RGS6: variants seen among roughly 807,000 people sequenced by gnomAD.
RGS6 encodes regulator of G-protein signaling 6.
RGS6 carries 30 observed loss-of-function variants against 78.5 expected under a neutral mutation model. The ratio of observed to expected loss-of-function variants is 0.38; its 90% confidence interval spans 0.29 to 0.52. RGS6 has a LOEUF of 0.52. Ranked by LOEUF, RGS6 falls within the 20% of genes least tolerant of loss-of-function variation. The pLI is 0.85. For missense variants in RGS6, 495 were observed against 609.7 expected (o/e 0.81, Z 1.98); for synonymous variants, 206 against 206.0 (o/e 1.00, Z 0.00).
At chr14:71,926,860 A>G in the RGS6 span, among the ~76,000 whole-genome samples, 11,646 of 152,218 alleles carry the variant, frequency 0.077, 552 homozygotes, top group East Asian at 0.2. Flanking sequence ...TTGACTCTAT[A>G]AAGGATCCTT....
chr14:72,558,673 C>T (rs530061826), intron 17 of RGS6, among the ~76,000 whole-genome samples: 2 of 152,178 alleles, frequency 1.3e-5, no homozygotes, highest in South Asian at 2.1e-4. Context: ...TTAATCAGAG[C>T]GGAGGGTGGG....
chr14:72,302,182 TAAC>T (rs2066214917), intron 2 of RGS6, among the ~76,000 whole-genome samples: 1 of 152,218 alleles, frequency 6.6e-6, no homozygotes. Flanking sequence ...TAGTCAATTA[TAAC>T]AATAGCTGCT....
chr14:72,560,797 C>CGTGTGTGTGTGTGTGTGTGTGT (rs57504072), intron 17 of RGS6, among the ~76,000 whole-genome samples: 2 of 141,224 alleles, frequency 1.4e-5, no homozygotes, highest in Non-Finnish European at 3.1e-5. Flanking sequence ...ATTTTGTGGA[C>CGTGTGTGTGTGTGTGTGTGTGT]GTGTGTGTGT....
chr14:72,069,750 G>A (rs563106959), intron 2 of RGS6, among the ~76,000 whole-genome samples: 6 of 152,098 alleles, frequency 3.9e-5, no homozygotes, highest in South Asian at 2.1e-4. Flanking sequence ...ATGTTGGCCA[G>A]GCTGGTCTTG....
intron 2 of RGS6, among the ~76,000 whole-genome samples, chr14:72,274,152 A>G (rs570403139): frequency 1.1e-4 from 16 of 152,288 alleles, no homozygotes; most frequent in East Asian, 7.7e-4. Context: ...TAGATACTCT[A>G]TTTCCTCCAG....
chr14:72,210,864 C>A (rs1252787494), intron 2 of RGS6, among the ~76,000 whole-genome samples: 2 of 151,930 alleles, frequency 1.3e-5, no homozygotes, highest in East Asian at 1.9e-4. Context: ...AGACAGCTTC[C>A]AAATGGTACT....
At chr14:72,541,786 A>C (rs919105956) in intron 17 of RGS6, among the ~76,000 whole-genome samples, 1 of 152,226 alleles carries the variant, frequency 6.6e-6, no homozygotes, top group Non-Finnish European at 1.5e-5. Flanking sequence ...CGGGTGTGAG[A>C]GGGGAAGCCT....
At chr14:72,341,669 G>A (rs2077026128) in intron 2 of RGS6, among the ~76,000 whole-genome samples, 1 of 152,192 alleles carries the variant, frequency 6.6e-6, no homozygotes, top group African/African-American at 2.4e-5. Flanking sequence ...GATGCCGAAT[G>A]ATGGAGGACC....
chr14:72,578,875 A>G, the RGS6 span, among the ~76,000 whole-genome samples: 1 of 152,230 alleles, frequency 6.6e-6, no homozygotes, highest in Non-Finnish European at 1.5e-5. Context: ...GGGAAAGGAA[A>G]TGGCTTGGGC....
the RGS6 span, among the ~76,000 whole-genome samples, chr14:71,900,908 A>G: frequency 2.0e-5 from 3 of 152,178 alleles, no homozygotes; most frequent in African/African-American, 7.2e-5. Flanking sequence ...TGGTGTGAGC[A>G]GGAGCAAGCA....
At chr14:72,048,560 A>G (rs1034326403) in intron 2 of RGS6, among the ~76,000 whole-genome samples, 12 of 152,178 alleles carry the variant, frequency 7.9e-5, no homozygotes, top group Non-Finnish European at 1.8e-4. Context: ...AGTGCTTTCC[A>G]TGAGGTATTT....
intron 1 of RGS6, among the ~76,000 whole-genome samples, chr14:71,949,828 A>C (rs1176212583): frequency 6.6e-6 from 1 of 150,482 alleles, no homozygotes; most frequent in Non-Finnish European, 1.5e-5. Flanking sequence ...GGTTGTAAAA[A>C]TCTACCTGTG....
At chr14:71,957,824 G>A (rs1003538155) in intron 1 of RGS6, among the ~76,000 whole-genome samples, 3 of 152,080 alleles carry the variant, frequency 2.0e-5, no homozygotes, top group Admixed American at 2.0e-4. Context: ...GGAGTGCAGT[G>A]GTGTGATCAT....
chr14:72,374,285 T>C (rs975473016), intron 3 of RGS6, among the ~76,000 whole-genome samples: 2 of 148,084 alleles, frequency 1.4e-5, no homozygotes, highest in African/African-American at 4.9e-5. Context: ...TTCCCCTTCC[T>C]GTGTCCATGT....
chr14:72,342,687 G>T (rs1315441152), intron 2 of RGS6, among the ~76,000 whole-genome samples: 1 of 140,594 alleles, frequency 7.1e-6, no homozygotes, highest in African/African-American at 2.6e-5. Context: ...CCGAGGTCAG[G>T]CCACTGCACT....
chr14:72,053,079 C>CCCTTCCTTCCTTCCTT (rs1226350902), intron 2 of RGS6, among the ~76,000 whole-genome samples: 142 of 16,974 alleles, frequency 8.4e-3, no homozygotes, highest in African/African-American at 0.017. Context: ...CTCCCTCCCT[C>CCCTTCCTTCCTTCCTT]CCTTCCTTCC....
At chr14:72,587,502 G>A in the RGS6 span, among the ~76,000 whole-genome samples, 5 of 152,100 alleles carry the variant, frequency 3.3e-5, no homozygotes, top group Admixed American at 2.0e-4. Context: ...ATTTCCTGAT[G>A]CAGGTAAAAT....
chr14:72,336,490 G>T (rs1327854604), intron 2 of RGS6, among the ~76,000 whole-genome samples: 1 of 150,882 alleles, frequency 6.6e-6, no homozygotes. Flanking sequence ...GTCTAATTTG[G>T]AAATAATTAG....
At chr14:72,587,329 C>A in the RGS6 span, among the ~76,000 whole-genome samples, 3 of 152,008 alleles carry the variant, frequency 2.0e-5, no homozygotes, top group Non-Finnish European at 4.4e-5. Flanking sequence ...AGATGGCAGC[C>A]ATATATGGGG....
Sources: gnomAD v4.1 joint callset for allele counts (sites outside exome capture counted in the v4.1 genomes callset) on GRCh38, gnomAD v4.1.1 for gene constraint, MANE v1.5 for transcripts, NCBI Gene and HGNC (gene_info 2026-07-23, HGNC 2026-07-21) for gene names.